The following TRPC3 variants were observed in gnomAD, a reference collection of about 807,000 sequenced individuals.
TRPC3 encodes the protein short transient receptor potential channel 3.
In TRPC3, 54 loss-of-function variants were observed where a neutral mutation model predicts 90.9. The ratio of observed to expected loss-of-function variants is 0.59; its 90% CI spans 0.48 to 0.75. The LOEUF is 0.75. TRPC3 is among the 30% of genes least tolerant of loss of function. The pLI is 0.00. For missense variants in TRPC3, 918 were observed against 1,194.5 expected (o/e 0.77, Z 3.41); for synonymous variants, 424 against 450.9 (o/e 0.94, Z 0.75).
intron 1 of TRPC3, chr4:121,933,245 G>A (rs1730017672): frequency 9.1e-7 from 1 of 1,101,760 alleles, no homozygotes; most frequent in East Asian, 3.1e-5. Flanking sequence ...ATCCCAGAAG[G>A]AAGCCGGCAG....
At chr4:121,912,623 T>TA (rs1729149553) in intron 4 of TRPC3, among the ~76,000 whole-genome samples, 2 of 152,298 alleles carry the variant, frequency 1.3e-5, no homozygotes, top group South Asian at 4.1e-4. Flanking sequence ...TGGTATGCTA[T>TA]AAAAAAGGCA....
chr4:121,929,867 A>ATT (rs113220964), intron 2 of TRPC3, among the ~76,000 whole-genome samples: 8 of 149,588 alleles, frequency 5.3e-5, no homozygotes, highest in Admixed American at 1.3e-4. Flanking sequence ...CTAGGAAAAA[A>ATT]TTTTTTTTTT....
At chr4:121,897,447 C>G (rs921631608) in intron 10 of TRPC3, among the ~76,000 whole-genome samples, 2 of 53,210 alleles carry the variant, frequency 3.8e-5, no homozygotes, top group Non-Finnish European at 6.5e-5. Context: ...TCAATCATCT[C>G]AACAGCAAAA....
intron 4 of TRPC3, among the ~76,000 whole-genome samples, chr4:121,914,173 C>A (rs1394819582): frequency 2.0e-5 from 3 of 152,142 alleles, no homozygotes; most frequent in African/African-American, 2.4e-5. Context: ...ATGATCCAAG[C>A]AAAACCAAAT....
intron 10 of TRPC3, among the ~76,000 whole-genome samples, chr4:121,891,958 T>TC (rs1302168715): frequency 4.6e-5 from 7 of 152,132 alleles, no homozygotes; most frequent in Admixed American, 3.9e-4. Flanking sequence ...AATCCTTTTT[T>TC]CCCCTCCTGT....
chr4:121,894,498 T>C (rs1728441224), intron 10 of TRPC3, among the ~76,000 whole-genome samples: 1 of 147,292 alleles, frequency 6.8e-6, no homozygotes, highest in South Asian at 2.2e-4. Flanking sequence ...CCAAGACCAA[T>C]GGACCAAAAA....
intron 10 of TRPC3, among the ~76,000 whole-genome samples, chr4:121,883,144 A>T (rs1305992924): frequency 6.6e-6 from 1 of 152,106 alleles, no homozygotes; most frequent in Non-Finnish European, 1.5e-5. Context: ...AATTAATTCC[A>T]TTTGCATCTT....
At position 121,882,296 on chromosome 4, in the gene TRPC3, T is replaced by C. The variant is rs943060054; in HGVS notation, c.2623+58A>G. The stretch of plus-strand genomic sequence containing the variant: ...TTTTAAAATATGCCTCAACATTAAG[T>C]TTTCCAGGTTCATTAAGTTAGCTAT... On this transcript the variant is annotated intron_variant, in intron 11 of 11. Coordinates refer to ENST00000379645, the MANE Select transcript of TRPC3 (RefSeq NM_001130698.2). 14 of 1,504,096 alleles carry C rather than the reference T, an allele frequency of 9.3e-6. No homozygotes were observed. In the African/African-American group the frequency reaches 1.6e-4, roughly 17 times the overall value. 93.2% of individuals were successfully genotyped at this position (1,504,096 alleles called of 1,614,324 possible).
chr4:121,925,145 C>A lies in TRPC3; in HGVS notation c.1049G>T (p.Cys350Phe), dbSNP rs779107179. ...KDFVVGVLDL[C>F]RDSEEVEAIL... ...GGCTTCTACCTCTTCTGAGTCTCGG[C>A]AGAGATCCAGCACACCCACTACAAA... is the stretch of plus-strand genomic sequence containing the variant. Residue 350 changes from cysteine to phenylalanine, a missense_variant, in exon 3 of 12, where the codon TGC becomes TTC. Cys to Phe is a radical substitution (Grantham distance 205). This residue lies in a region of TRPC3 where 609 missense variants were observed against 725.9 expected (regional missense o/e 0.84). Transcript: ENST00000379645. The A allele has an allele frequency of 2.5e-5, 41 of 1,613,952 alleles. No homozygotes were observed. The highest frequency in any genetic ancestry group is 3.3e-5 in the Non-Finnish European group (39 of 1,180,008).
chr4:121,915,804 C>T (rs1729295243), intron 3 of TRPC3, among the ~76,000 whole-genome samples: 1 of 152,104 alleles, frequency 6.6e-6, no homozygotes, highest in African/African-American at 2.4e-5. Flanking sequence ...TGCATTTGTA[C>T]TCAGGCCCTT....
intron 10 of TRPC3, among the ~76,000 whole-genome samples, chr4:121,883,804 C>T (rs767679938): frequency 3.3e-5 from 5 of 152,122 alleles, no homozygotes; most frequent in Non-Finnish European, 5.9e-5. Flanking sequence ...CTCCTGGGCT[C>T]AACGCTGTCC....
intron 1 of TRPC3, among the ~76,000 whole-genome samples, chr4:121,939,776 G>A (rs1447439213): frequency 1.3e-5 from 2 of 152,158 alleles, no homozygotes; most frequent in Non-Finnish European, 2.9e-5. Context: ...AGCATATCTG[G>A]GTTTCTAACA....
intron 1 of TRPC3, among the ~76,000 whole-genome samples, chr4:121,942,593 A>G (rs563630172): frequency 2.6e-5 from 4 of 152,274 alleles, no homozygotes; most frequent in African/African-American, 9.6e-5. Context: ...CAAACAAAAA[A>G]CTTAAAAACA....
intron 10 of TRPC3, among the ~76,000 whole-genome samples, chr4:121,895,639 A>G (rs1560690149): frequency 6.6e-6 from 1 of 152,124 alleles, no homozygotes; most frequent in East Asian, 1.9e-4. Flanking sequence ...TGAACCAAGA[A>G]GAAATAGAAA....
intron 1 of TRPC3, among the ~76,000 whole-genome samples, chr4:121,942,884 G>A (rs546791005): frequency 8.5e-5 from 13 of 152,268 alleles, no homozygotes; most frequent in South Asian, 4.1e-4. Flanking sequence ...CTTCTTAAAC[G>A]AACGTATGTG....
rs75235724 is a variant in TRPC3 at position 121,943,273 on chromosome 4, A to G, written c.215+8193T>C. ...GGAGGGGAATTGAAGTGATTCGTCT[A>G]TAAAAAAGAATGTCACATATAATAT... On this transcript the variant is annotated intron_variant, in intron 1 of 11. Coordinates refer to ENST00000379645, the MANE Select transcript of TRPC3 (RefSeq NM_001130698.2). 4.3e-4 allele frequency among the ~76,000 whole-genome samples: 66 copies of G among 152,348 alleles called. 3 individuals are homozygous for G. The East Asian group carries it at 0.012, about 28-fold the overall frequency.
Position 121,930,265 on chromosome 4 carries a change from C to A in TRPC3, c.987+2006G>T, listed in dbSNP as rs184663469. On this transcript the variant is annotated intron_variant, in intron 2 of 11. Coordinates refer to ENST00000379645, the MANE Select transcript of TRPC3 (RefSeq NM_001130698.2). ...AGAGGGCTATCTTGCTACACAAGCACTTTCCATATAATCTAGAAAAAAGAA... is the reference window on the plus strand; with the variant it reads ...AGAGGGCTATCTTGCTACACAAGCAATTTCCATATAATCTAGAAAAAAGAA... Among the ~76,000 whole-genome samples, 6 of 152,288 alleles carry A rather than the reference C, an allele frequency of 3.9e-5. No homozygotes were observed. In the East Asian group the frequency reaches 1.2e-3, roughly 29 times the overall value.
chr4:121,902,127 G>C (rs1728726917), intron 9 of TRPC3, among the ~76,000 whole-genome samples: 1 of 152,038 alleles, frequency 6.6e-6, no homozygotes, highest in African/African-American at 2.4e-5. Flanking sequence ...GGATGTTATA[G>C]CTACAGACCA....
At chr4:121,933,212 T>C (rs1373215827) in intron 1 of TRPC3, 170 bp from the exon 2 acceptor site, 1 of 1,313,490 alleles carries the variant, frequency 7.6e-7, no homozygotes, top group East Asian at 2.8e-5. Context: ...AAGTGACACC[T>C]GTGATCTAAC....
Sources: gnomAD v4.1 joint callset for allele counts (sites outside exome capture counted in the v4.1 genomes callset) on GRCh38, gnomAD v4.1.1 for gene constraint, gnomAD v4.1.1 regional missense constraint, MANE v1.5 for transcripts, NCBI Gene and HGNC (gene_info 2026-07-23, HGNC 2026-07-21) for gene names.